The following CDH12 variants were observed in gnomAD, a reference collection of about 807,000 sequenced individuals.
CDH12 encodes the protein cadherin 12.
Under a neutral mutation model 74.1 loss-of-function variants are expected in CDH12, and 41 were observed. That is an observed-to-expected ratio of 0.55 (90% confidence interval 0.43 to 0.72). The LOEUF is 0.72. Among genes scored for constraint, CDH12 ranks in the 30% least tolerant of loss-of-function variants. The pLI is 0.00. For missense variants in CDH12, 945 were observed against 977.2 expected, an observed-to-expected ratio of 0.97 and a Z score of 0.44; for synonymous variants, 399 against 355.0, an observed-to-expected ratio of 1.12 and a Z score of -1.39.
intron 3 of CDH12, among the ~76,000 whole-genome samples, chr5:22,213,006 T>C (rs990752095): frequency 2.0e-4 from 31 of 152,162 alleles, no homozygotes; most frequent in African/African-American, 7.0e-4. Context: ...TGCTTTCTCC[T>C]GCTGTTTTTC....
intron 1 of CDH12, among the ~76,000 whole-genome samples, chr5:22,748,944 C>T (rs932991030): frequency 6.6e-6 from 1 of 152,144 alleles, no homozygotes; most frequent in Non-Finnish European, 1.5e-5. Flanking sequence ...GTCCTTGAAA[C>T]TCACTGGGCT....
At chr5:21,785,001 C>T (rs1175854238) in intron 10 of CDH12, among the ~76,000 whole-genome samples, 1 of 152,090 alleles carries the variant, frequency 6.6e-6, no homozygotes, top group Non-Finnish European at 1.5e-5. Context: ...CAAGCAAGTT[C>T]ATCGGCATCA....
At chr5:22,202,704 T>C (rs1750993836) in intron 4 of CDH12, among the ~76,000 whole-genome samples, 1 of 152,158 alleles carries the variant, frequency 6.6e-6, no homozygotes, top group African/African-American at 2.4e-5. Flanking sequence ...TCACTTTTCC[T>C]GAACTCTGAA....
At chr5:22,480,719 C>T (rs948556370) in intron 2 of CDH12, among the ~76,000 whole-genome samples, 1 of 152,152 alleles carries the variant, frequency 6.6e-6, no homozygotes, top group East Asian at 1.9e-4. Flanking sequence ...AAGGTGTTGC[C>T]GATCAATAGG....
At chr5:22,529,676 G>A (rs1737498568) in intron 1 of CDH12, among the ~76,000 whole-genome samples, 1 of 152,114 alleles carries the variant, frequency 6.6e-6, no homozygotes, top group Non-Finnish European at 1.5e-5. Flanking sequence ...AAATGTCTGG[G>A]CAGCCTGTGG....
At chr5:22,173,600 C>A (rs1308571985) in intron 4 of CDH12, among the ~76,000 whole-genome samples, 3 of 151,110 alleles carry the variant, frequency 2.0e-5, no homozygotes, top group Admixed American at 1.3e-4. Context: ...ATTTTTACAA[C>A]CTTGGTTAAC....
chr5:21,850,694 G>C (rs1391322114), intron 7 of CDH12, among the ~76,000 whole-genome samples: 1 of 151,430 alleles, frequency 6.6e-6, no homozygotes, highest in Non-Finnish European at 1.5e-5. Flanking sequence ...CAAAAGTCTT[G>C]GGAAAGTATC....
chr5:22,288,199 A>G (rs74717253), intron 3 of CDH12, among the ~76,000 whole-genome samples: 1 of 152,160 alleles, frequency 6.6e-6, no homozygotes, highest in Non-Finnish European at 1.5e-5. Context: ...ATGTCTCCTT[A>G]CATCTTCTAT....
At chr5:22,105,248 C>T (rs967313282) in intron 4 of CDH12, among the ~76,000 whole-genome samples, 3 of 130,378 alleles carry the variant, frequency 2.3e-5, no homozygotes, top group Non-Finnish European at 5.1e-5. Flanking sequence ...TGCACCAGCA[C>T]ACCCAGCTAA....
At chr5:22,459,756 G>A (rs1475262759) in intron 2 of CDH12, among the ~76,000 whole-genome samples, 1 of 152,106 alleles carries the variant, frequency 6.6e-6, no homozygotes, top group Non-Finnish European at 1.5e-5. Context: ...CATGAGGTCA[G>A]GAGATCAAGA....
Position 22,633,485 on chromosome 5 carries a change from C to T in CDH12, c.-522-128121G>A, listed in dbSNP as rs193145650. Among the ~76,000 whole-genome samples, 44 of 152,262 alleles carry T rather than the reference C, an allele frequency of 2.9e-4. No homozygotes were observed. In the East Asian group the frequency reaches 2.9e-3, roughly 10 times the overall value. On this transcript the variant is annotated intron_variant, in intron 1 of 14. Transcript: ENST00000382254. ...GGATTCTCAGCTGGTTAAACATTAT[C>T]TCTGAGTGTGTCTATGAGGGTGCAT...
At chr5:22,081,732 T>C (rs1034828651) in intron 4 of CDH12, among the ~76,000 whole-genome samples, 1 of 152,206 alleles carries the variant, frequency 6.6e-6, no homozygotes, top group Non-Finnish European at 1.5e-5. Flanking sequence ...TTCATCATCA[T>C]TGCCGCCAGT....
intron 1 of CDH12, among the ~76,000 whole-genome samples, chr5:22,848,719 T>C (rs1253738347): frequency 6.6e-6 from 1 of 152,236 alleles, no homozygotes; most frequent in Non-Finnish European, 1.5e-5. Flanking sequence ...TGTGTAACTC[T>C]AGCTTGGCAA....
intron 1 of CDH12, among the ~76,000 whole-genome samples, chr5:22,825,762 G>A (rs1287703425): frequency 1.3e-5 from 2 of 152,170 alleles, no homozygotes; most frequent in South Asian, 4.1e-4. Flanking sequence ...GACTTGTGTA[G>A]TGATATGACC....
At chr5:22,398,895 ACTGTGGTAGAGACCC>A (rs1742583753) in intron 3 of CDH12, among the ~76,000 whole-genome samples, 1 of 152,046 alleles carries the variant, frequency 6.6e-6, no homozygotes, top group South Asian at 2.1e-4. Flanking sequence ...GAGTTTCTCT[ACTGTGGTAGAGACCC>A]CTCTATGTGC....
At chr5:21,758,250 C>T (rs1161294818) in intron 13 of CDH12, among the ~76,000 whole-genome samples, 1 of 152,100 alleles carries the variant, frequency 6.6e-6, no homozygotes, top group Non-Finnish European at 1.5e-5. Context: ...TGGTCACTCT[C>T]ATTATAAATA....
At chr5:22,129,791 A>G (rs979966494) in intron 4 of CDH12, among the ~76,000 whole-genome samples, 1 of 152,088 alleles carries the variant, frequency 6.6e-6, no homozygotes, top group African/African-American at 2.4e-5. Context: ...ACTTAGCAAC[A>G]GTGTGTAGGA....
At chr5:21,921,173 C>T (rs1476432934) in intron 6 of CDH12, among the ~76,000 whole-genome samples, 2 of 152,108 alleles carry the variant, frequency 1.3e-5, no homozygotes, top group African/African-American at 4.8e-5. Flanking sequence ...ATAAAAAAGA[C>T]ACAAGTCATG....
chr5:22,568,540 TA>T (rs1739397474), intron 1 of CDH12, among the ~76,000 whole-genome samples: 1 of 152,118 alleles, frequency 6.6e-6, no homozygotes. Flanking sequence ...CAATAACTCC[TA>T]AGTGATGTAG....
Sources: allele counts gnomAD v4.1 joint callset (sites outside exome capture counted in the v4.1 genomes callset), GRCh38; gene constraint gnomAD v4.1.1; transcripts MANE v1.5; gene names NCBI Gene and HGNC (gene_info 2026-07-23, HGNC 2026-07-21).